Variants in UBR4 observed in about 807,000 individuals in gnomAD.
UBR4 encodes E3 ubiquitin-protein ligase UBR4.
Under a neutral mutation model 575.6 loss-of-function variants are expected in UBR4, and 124 were observed. The observed-to-expected ratio is 0.22, with a 90% CI of 0.19 to 0.25. The LOEUF is 0.25. UBR4 is among the 10% of genes least tolerant of loss of function. UBR4 has a pLI of 1.00. For missense variants in UBR4, 4,818 were observed against 6,478.8 expected, an observed-to-expected ratio of 0.74 and a Z score of 8.80; for synonymous variants, 2,455 against 2,473.7, an observed-to-expected ratio of 0.99 and a Z score of 0.22.
intron 103 of UBR4, chr1:19,078,287 T>C: frequency 1.0e-5 from 5 of 490,040 alleles, no homozygotes; most frequent in Non-Finnish European, 3.7e-6. Flanking sequence ...ATGAAATTCA[T>C]CTGATTCTCT....
At chr1:19,146,787 A>T in intron 52 of UBR4, 39 bp downstream of exon 52, 3 of 1,588,888 alleles carry the variant, frequency 1.9e-6, no homozygotes, top group Non-Finnish European at 2.6e-6. Context: ...AGGCATATGA[A>T]GCAGATCTCA....
chr1:19,126,621 G>A lies in UBR4; in HGVS notation c.9263C>T (p.Ala3088Val), dbSNP rs2081824172. The A allele has an allele frequency of 6.2e-7, 1 of 1,614,028 alleles. No homozygotes were observed. Among genetic ancestry groups the A allele is most frequent in the African/African-American group, 1.3e-5 (1 of 75,048 alleles). ...GTCCACAGCCCCAGAGCTCAGTAGAGCTGCTGCTGTGGCACTGGAGATGAG... is the reference window on the plus strand; with the variant it reads ...GTCCACAGCCCCAGAGCTCAGTAGAACTGCTGCTGTGGCACTGGAGATGAG... ...SSLISSATAA[A>V]LLSSGAVDYC... The change falls in exon 64 of 106, where the codon GCT becomes GTT. Residue 3088 changes from alanine (A) to valine (V), a missense_variant. Physicochemically the swap from Ala to Val is moderately conservative, Grantham distance 64. Coordinates refer to ENST00000375254, the MANE Select transcript of UBR4 (RefSeq NM_020765.3).
chr1:19,139,602 AC>A lies in UBR4; in HGVS notation c.8594-383del, dbSNP rs1474267906. ...TCATGGTCACCATTGTTTAGGTGTT[AC>A]TGACACCTGCTGAGAGATCTGAAAC... On this transcript the variant is annotated intron_variant, in intron 58 of 105. Coordinates refer to ENST00000375254, the MANE Select transcript of UBR4 (RefSeq NM_020765.3). This position sits in a 1 kb window ranked among gnomAD's most constrained non-coding sequence, Gnocchi z 4.2. 6.6e-6 allele frequency among the ~76,000 whole-genome samples: 1 copy of A among 152,258 alleles called. No homozygotes were observed. Among genetic ancestry groups the A allele is most frequent in the East Asian group, 1.9e-4 (1 of 5,202 alleles).
intron 1 of UBR4, among the ~76,000 whole-genome samples, chr1:19,206,672 G>T (rs537763862): frequency 6.6e-6 from 1 of 152,150 alleles, no homozygotes. Context: ...TATTTTAGTA[G>T]CCTTTACTAC....
intron 52 of UBR4, 81 bp from the exon 53 acceptor site, chr1:19,146,014 GA>G (rs1363267255): frequency 6.2e-7 from 1 of 1,607,964 alleles, no homozygotes; most frequent in African/African-American, 1.3e-5. Context: ...TCAGGTCAAG[GA>G]AGCTTGCCTG....
chr1:19,174,808 T>C, intron 21 of UBR4, 146 bp downstream of exon 21: 1 of 788,396 alleles, frequency 1.3e-6, no homozygotes, highest in South Asian at 1.9e-5. Flanking sequence ...CCAAGTAACA[T>C]TTTCCTATTA....
chr1:19,087,735 T>C, intron 99 of UBR4, 81 bp downstream of exon 99: 2 of 1,132,248 alleles, frequency 1.8e-6, no homozygotes, highest in Non-Finnish European at 2.6e-6. Flanking sequence ...AAGAACAAAA[T>C]GGCCTGGAGG....
intron 25 of UBR4, 114 bp downstream of exon 25, chr1:19,172,750 G>T: frequency 9.6e-7 from 1 of 1,039,388 alleles, no homozygotes; most frequent in East Asian, 2.5e-5. Context: ...CATTATACGT[G>T]GGGAAAAAAA....
intron 17 of UBR4, 36 bp downstream of exon 17, chr1:19,183,775 T>C: frequency 1.2e-6 from 2 of 1,600,368 alleles, no homozygotes; most frequent in African/African-American, 1.3e-5. Flanking sequence ...GCTGGTGTCA[T>C]GAGCTCTTGC....
At chr1:19,096,740 G>C in intron 91 of UBR4, 90 bp from the exon 92 acceptor site, 2 of 1,522,874 alleles carry the variant, frequency 1.3e-6, no homozygotes, top group Middle Eastern at 3.5e-4. Flanking sequence ...ATTCCTGGCT[G>C]ATGGCTGACA....
chr1:19,165,444 A>T, intron 30 of UBR4, 95 bp from the exon 31 acceptor site: 4 of 1,164,812 alleles, frequency 3.4e-6, no homozygotes, highest in Non-Finnish European at 5.0e-6. Context: ...TCTGGGGAAA[A>T]TGACCACTTA....
At chr1:19,086,107 TC>T (rs774700359) in intron 101 of UBR4, 37 bp downstream of exon 101, 3 of 1,608,768 alleles carry the variant, frequency 1.9e-6, no homozygotes, top group Admixed American at 1.7e-5. Context: ...CCCCTGCAAA[TC>T]CCCTCCATTC....
At position 19,099,748 on chromosome 1, in the gene UBR4, C is replaced by T. The variant is rs551225292; in HGVS notation, c.13222-71G>A. 140 of 1,332,402 alleles carry T rather than the reference C, an allele frequency of 1.1e-4. 2 individuals carry two copies. The South Asian group carries it at 1.6e-3, about 15-fold the overall frequency. The allele number at this position is 1,332,402 out of a possible 1,614,324, so 82.5% of individuals were successfully genotyped here. ...ACAAGTAAAATCCAAGAGCAAAGGG[C>T]ACCTTACGGCAATGGTTGATAATTC... On this transcript the variant is annotated intron_variant, in intron 89 of 105. Coordinates refer to ENST00000375254, the MANE Select transcript of UBR4 (RefSeq NM_020765.3).
chr1:19,171,800 G>A (rs904394780), intron 25 of UBR4, among the ~76,000 whole-genome samples: 7 of 152,148 alleles, frequency 4.6e-5, no homozygotes, highest in East Asian at 3.9e-4. Context: ...AGATGAGATC[G>A]CACCACTGCA....
chr1:19,151,938 G>A (rs1364481252), intron 47 of UBR4, 79 bp from the exon 48 acceptor site: 1 of 1,258,404 alleles, frequency 7.9e-7, no homozygotes, highest in East Asian at 2.4e-5. Flanking sequence ...CTCTGACATT[G>A]TCTCAACATG....
intron 60 of UBR4, among the ~76,000 whole-genome samples, chr1:19,137,224 T>C (rs1329634726): frequency 1.3e-5 from 2 of 150,592 alleles, no homozygotes; most frequent in African/African-American, 4.9e-5. Context: ...CACCTGAGCC[T>C]GGGAGGTTGA....
chr1:19,193,064 A>AC (rs112280230), intron 9 of UBR4, among the ~76,000 whole-genome samples: 1,557 of 152,296 alleles, frequency 0.01, 26 homozygotes, highest in African/African-American at 0.035. Flanking sequence ...GGTGTGAGTC[A>AC]CCACACCCGG....
intron 39 of UBR4, among the ~76,000 whole-genome samples, chr1:19,159,177 C>A (rs2086897866): frequency 1.3e-5 from 2 of 152,156 alleles, no homozygotes; most frequent in African/African-American, 2.4e-5. Flanking sequence ...GAGATCTATT[C>A]ATATATCTCA....
At chr1:19,084,841 G>A in intron 101 of UBR4, 143 bp from the exon 102 acceptor site, 1 of 801,138 alleles carries the variant, frequency 1.2e-6, no homozygotes, top group Non-Finnish European at 1.9e-6. Flanking sequence ...AGGGAAAGTT[G>A]AGGCCAAGGC....
Sources: gnomAD v4.1 joint callset for allele counts (sites outside exome capture counted in the v4.1 genomes callset) on GRCh38, gnomAD v4.1.1 for gene constraint, Gnocchi (gnomAD v3.1) non-coding constraint, MANE v1.5 for transcripts, NCBI Gene and HGNC (gene_info 2026-07-23, HGNC 2026-07-21) for gene names.